Variants in CNNM2 observed in about 807,000 individuals in gnomAD.
CNNM2 encodes metal transporter CNNM2.
Under a neutral mutation model 66.9 loss-of-function variants are expected in CNNM2, and 12 were observed. The observed-to-expected ratio is 0.18, with a 90% CI of 0.11 to 0.29. The LOEUF (loss-of-function observed/expected upper bound fraction) is 0.29. Ranked by LOEUF, CNNM2 falls within the 10% of genes least tolerant of loss-of-function variation. The pLI, the probability that CNNM2 is intolerant of heterozygous loss-of-function variation, is 1.00. For missense variants in CNNM2, 705 were observed against 1,167.7 expected, an observed-to-expected ratio of 0.60 and a Z score of 5.77; for synonymous variants, 557 against 501.8, an observed-to-expected ratio of 1.11 and a Z score of -1.47.
intron 1 of CNNM2, chr10:102,927,415 CA>C: frequency 6.2e-7 from 1 of 1,613,242 alleles, no homozygotes; most frequent in Non-Finnish European, 8.5e-7. Context: ...TTCTTTCTTT[CA>C]ACATCACAGA....
At chr10:103,001,112 T>C (rs1181168706) in intron 1 of CNNM2, among the ~76,000 whole-genome samples, 2 of 152,156 alleles carry the variant, frequency 1.3e-5, no homozygotes, top group Non-Finnish European at 2.9e-5. Context: ...TGATTCTACT[T>C]ATATGAAGAA....
intron 1 of CNNM2, among the ~76,000 whole-genome samples, chr10:102,949,653 G>A (rs144872478): frequency 2.5e-4 from 38 of 152,174 alleles, no homozygotes; most frequent in Middle Eastern, 3.4e-3. Flanking sequence ...GCGTGGTGGC[G>A]CGTGCCTGTA....
chr10:103,075,233 G>A (rs2065669384), intron 6 of CNNM2, among the ~76,000 whole-genome samples: 1 of 152,188 alleles, frequency 6.6e-6, no homozygotes, highest in Non-Finnish European at 1.5e-5. Context: ...CTCCAATCCT[G>A]TGATACGATG....
At chr10:102,982,916 C>T (rs964273636) in intron 1 of CNNM2, among the ~76,000 whole-genome samples, 12 of 152,242 alleles carry the variant, frequency 7.9e-5, no homozygotes, top group African/African-American at 2.9e-4. Flanking sequence ...ATTAATTAAA[C>T]TAATCTAAGT....
chr10:102,967,856 A>G (rs1564824349), intron 1 of CNNM2, among the ~76,000 whole-genome samples: 1 of 152,182 alleles, frequency 6.6e-6, no homozygotes, highest in African/African-American at 2.4e-5. Context: ...TAAAAATACA[A>G]AGTTAGCCAG....
chr10:102,976,770 T>C (rs2134224387), intron 1 of CNNM2, among the ~76,000 whole-genome samples: 1 of 151,942 alleles, frequency 6.6e-6, no homozygotes, highest in South Asian at 2.1e-4. Flanking sequence ...GCTTGCCCTG[T>C]CCACTACTTT....
At chr10:103,035,952 GCA>G (rs1564855043) in intron 1 of CNNM2, among the ~76,000 whole-genome samples, 1 of 152,098 alleles carries the variant, frequency 6.6e-6, no homozygotes, top group African/African-American at 2.4e-5. Context: ...CTGGCATAGC[GCA>G]CACACATTAG....
At chr10:102,980,984 A>G (rs955001202) in intron 1 of CNNM2, among the ~76,000 whole-genome samples, 15 of 152,290 alleles carry the variant, frequency 9.8e-5, no homozygotes, top group Middle Eastern at 6.8e-3. Flanking sequence ...TCGGAAGCAC[A>G]TCTCCTAGAA....
At position 102,948,927 on chromosome 10, in the gene CNNM2, G is replaced by A. The variant is rs1846719709; in HGVS notation, c.1621+28826G>A. ...GATATTATCTTCATAACCGGGGCCC[G>A]AAAAGTCAAAGATCATGCAGTTAGT... On this transcript the variant is annotated intron_variant, in intron 1 of 7. Coordinates refer to ENST00000369878, the MANE Select transcript of CNNM2 (RefSeq NM_017649.5). Among the ~76,000 whole-genome samples, 3 of 152,234 alleles carry A rather than the reference G, an allele frequency of 2.0e-5. No individual in the cohort carries two copies. In the South Asian group the frequency reaches 6.2e-4, roughly 32 times the overall value.
chr10:103,019,489 T>C (rs1457925102), intron 1 of CNNM2, among the ~76,000 whole-genome samples: 1 of 152,138 alleles, frequency 6.6e-6, no homozygotes, highest in Non-Finnish European at 1.5e-5. Context: ...AGTAGAGTGA[T>C]AGCAGGAACC....
intron 1 of CNNM2, among the ~76,000 whole-genome samples, chr10:103,033,435 C>T (rs2064868731): frequency 2.6e-5 from 4 of 152,166 alleles, no homozygotes; most frequent in Admixed American, 2.6e-4. Context: ...CCTGATCTGC[C>T]TGCCTTGGCC....
intron 1 of CNNM2, among the ~76,000 whole-genome samples, chr10:102,930,933 CTCA>C (rs1188447522): frequency 2.6e-5 from 4 of 152,172 alleles, no homozygotes; most frequent in Non-Finnish European, 5.9e-5. Context: ...TGTTTATCCA[CTCA>C]TCAGTTGATG....
chr10:102,955,558 C>A (rs1469134828), intron 1 of CNNM2, among the ~76,000 whole-genome samples: 4 of 150,710 alleles, frequency 2.7e-5, no homozygotes, highest in African/African-American at 9.8e-5. Context: ...TCTGCACAGC[C>A]AAAGAAACTA....
chr10:103,089,673 T>TATTCTTCCTCCTCCTC lies in CNNM2; in HGVS notation c.*12494_*12509dup. ...TGCTTGGGGTTTTGGTTTTCCTCCT[T>TATTCTTCCTCCTCCTC]ATTCTTCCTCCTCCTCCTCCTCTTC... On this transcript the variant is annotated 3_prime_UTR_variant, in exon 8 of 8. Transcript: ENST00000369878. 6.3e-7 allele frequency: 1 copy of TATTCTTCCTCCTCCTC among 1,595,474 alleles called. No homozygotes were observed.
chr10:102,956,163 CTGT>C (rs1847026067), intron 1 of CNNM2, among the ~76,000 whole-genome samples: 1 of 152,072 alleles, frequency 6.6e-6, no homozygotes, highest in Non-Finnish European at 1.5e-5. Context: ...TGGCGGGCGC[CTGT>C]AGTCCCAGCT....
rs17115405 is a variant in CNNM2 at position 103,063,295 on chromosome 10, C to T, written c.2074-5334C>T. 0.014 allele frequency among the ~76,000 whole-genome samples: 2,192 copies of T among 152,286 alleles called. 54 individuals carry two copies. The highest frequency in any genetic ancestry group is 0.049 in the African/African-American group (2,037 of 41,532). Reference sequence around the variant, plus strand: ...GGCATCTTTGGGTGCTGCAACTCCTCTCTCGGTTAATACAACCCAGTCTTT... The same window carrying T: ...GGCATCTTTGGGTGCTGCAACTCCTTTCTCGGTTAATACAACCCAGTCTTT... On this transcript the variant is annotated intron_variant, in intron 4 of 7. Coordinates refer to ENST00000369878, the MANE Select transcript of CNNM2 (RefSeq NM_017649.5).
intron 1 of CNNM2, among the ~76,000 whole-genome samples, chr10:103,022,147 G>A (rs926492048): frequency 1.3e-5 from 2 of 152,188 alleles, no homozygotes; most frequent in Non-Finnish European, 2.9e-5. Context: ...TACCGCGTCA[G>A]CTGGGCGTGC....
chr10:103,072,260 C>T (rs1264109611), intron 6 of CNNM2, among the ~76,000 whole-genome samples: 3 of 152,202 alleles, frequency 2.0e-5, no homozygotes, highest in Non-Finnish European at 4.4e-5. Context: ...TTATAGAGCA[C>T]ATTTGCCAAA....
At chr10:102,971,944 G>C (rs1184229879) in intron 1 of CNNM2, among the ~76,000 whole-genome samples, 1 of 151,976 alleles carries the variant, frequency 6.6e-6, no homozygotes, top group Non-Finnish European at 1.5e-5. Context: ...ATTATCTATT[G>C]CTTATTTTTC....
Sources: allele counts gnomAD v4.1 joint callset (sites outside exome capture counted in the v4.1 genomes callset), GRCh38; gene constraint gnomAD v4.1.1; transcripts MANE v1.5; gene names NCBI Gene and HGNC (gene_info 2026-07-23, HGNC 2026-07-21).